Variants in CLDN10 observed in about 807,000 individuals in gnomAD.
CLDN10 encodes the protein claudin-10.
Under a neutral mutation model 22.9 loss-of-function variants are expected in CLDN10, and 15 were observed. The observed-to-expected ratio is 0.65, with a 90% CI of 0.44 to 1.01. CLDN10 has a LOEUF of 1.01. Ranked by LOEUF, CLDN10 falls within the 50% of genes least tolerant of loss-of-function variation. The pLI is 0.00. For missense variants in CLDN10, 247 were observed against 287.8 expected (o/e 0.86, Z 1.03); for synonymous variants, 114 against 111.4 (o/e 1.02, Z -0.15).
intron 1 of CLDN10, among the ~76,000 whole-genome samples, chr13:95,512,595 T>C (rs1390555561): frequency 6.6e-6 from 1 of 152,192 alleles, no homozygotes; most frequent in African/African-American, 2.4e-5. Flanking sequence ...GATGCTGTCC[T>C]GGGAATTTCC....
chr13:95,492,334 T>C (rs1830311619), intron 1 of CLDN10, among the ~76,000 whole-genome samples: 1 of 151,806 alleles, frequency 6.6e-6, no homozygotes. Context: ...TGGGCAGGTC[T>C]TGCTTCAGCT....
chr13:95,521,944 A>G (rs1183273037), intron 1 of CLDN10, among the ~76,000 whole-genome samples: 1 of 151,862 alleles, frequency 6.6e-6, no homozygotes. Flanking sequence ...TTTTATATTT[A>G]TTGACCTTAA....
At chr13:95,555,331 C>T (rs1001306341) in intron 1 of CLDN10, among the ~76,000 whole-genome samples, 18 of 152,158 alleles carry the variant, frequency 1.2e-4, no homozygotes, top group African/African-American at 2.4e-4. Flanking sequence ...TACAGGTGTG[C>T]GCCACCGCGC....
At chr13:95,561,511 T>C (rs942949751) in intron 3 of CLDN10, among the ~76,000 whole-genome samples, 13 of 152,312 alleles carry the variant, frequency 8.5e-5, no homozygotes, top group Middle Eastern at 3.4e-3. Flanking sequence ...TTGTGTTATT[T>C]TATTTTATTC....
chr13:95,492,325 G>A (rs1272281592), intron 1 of CLDN10, among the ~76,000 whole-genome samples: 1 of 151,882 alleles, frequency 6.6e-6, no homozygotes, highest in Non-Finnish European at 1.5e-5. Flanking sequence ...GACTCTCCTT[G>A]GGCAGGTCTT....
At chr13:95,517,464 A>G (rs2043181759) in intron 1 of CLDN10, among the ~76,000 whole-genome samples, 1 of 152,236 alleles carries the variant, frequency 6.6e-6, no homozygotes, top group Non-Finnish European at 1.5e-5. Flanking sequence ...GCTTAGTTCC[A>G]AAGGGAACTA....
chr13:95,454,222 C>T (rs1427369923), intron 1 of CLDN10, among the ~76,000 whole-genome samples: 1 of 151,984 alleles, frequency 6.6e-6, no homozygotes, highest in Admixed American at 6.6e-5. Flanking sequence ...GGTGGATCAC[C>T]TGAGGTCAGG....
chr13:95,549,944 T>C (rs1272742423), upstream of CLDN10, among the ~76,000 whole-genome samples: 1 of 152,264 alleles, frequency 6.6e-6, no homozygotes, highest in East Asian at 1.9e-4. Context: ...CAACAATGAG[T>C]TTAATATTCT....
intron 1 of CLDN10, among the ~76,000 whole-genome samples, chr13:95,501,978 C>A (rs2042990140): frequency 1.3e-5 from 2 of 152,276 alleles, no homozygotes; most frequent in South Asian, 4.1e-4. Context: ...CTAGGGATTA[C>A]AATTTACACC....
rs188981020 is a variant in CLDN10, at chr13:95,483,792, C to G, written c.214+49745C>G. Among the ~76,000 whole-genome samples, 446 of 152,282 alleles carry G rather than the reference C, an allele frequency of 2.9e-3. 9 individuals carry two copies. The Middle Eastern group carries it at 0.031, about 10-fold the overall frequency. On this transcript the variant is annotated intron_variant, in intron 1 of 4. Coordinates refer to the CLDN10 transcript ENST00000376873. The stretch of plus-strand genomic sequence containing the variant: ...ATTGGTCACTCGATATGAGCTTCCC[C>G]AGGCATGAGTGTGCTATGGTCTGAA...
intron 1 of CLDN10, among the ~76,000 whole-genome samples, chr13:95,470,471 G>A (rs2042618841): frequency 6.6e-6 from 1 of 151,986 alleles, no homozygotes; most frequent in Admixed American, 6.6e-5. Context: ...AGCTTGTTTG[G>A]GGAGCGAGTA....
chr13:95,438,017 T>C (rs1413096604), intron 1 of CLDN10, among the ~76,000 whole-genome samples: 2 of 152,228 alleles, frequency 1.3e-5, no homozygotes, highest in Non-Finnish European at 2.9e-5. Context: ...ATTATAATTG[T>C]TATAGTTGCT....
At chr13:95,459,828 G>T (rs901205257) in intron 1 of CLDN10, among the ~76,000 whole-genome samples, 3 of 152,108 alleles carry the variant, frequency 2.0e-5, no homozygotes, top group African/African-American at 7.2e-5. Flanking sequence ...CTTTTATATT[G>T]CATTGTCAGG....
intron 1 of CLDN10, among the ~76,000 whole-genome samples, chr13:95,503,338 A>T (rs1292041183): frequency 6.6e-6 from 1 of 152,242 alleles, no homozygotes; most frequent in Non-Finnish European, 1.5e-5. Flanking sequence ...ATTGAGGGTT[A>T]AAAAGTATTG....
chr13:95,492,723 G>C (rs995838037), intron 1 of CLDN10, among the ~76,000 whole-genome samples: 2 of 152,170 alleles, frequency 1.3e-5, no homozygotes, highest in Non-Finnish European at 2.9e-5. Context: ...AGTTCAGCTA[G>C]AGAATTCCTT....
intron 1 of CLDN10, among the ~76,000 whole-genome samples, chr13:95,475,794 C>CTCTCTCTCTGTCTCTCTCTG (rs71211684): frequency 5.9e-5 from 9 of 151,332 alleles, no homozygotes; most frequent in Admixed American, 2.0e-4. Context: ...GCATCTCTCT[C>CTCTCTCTCTGTCTCTCTCTG]TCTCTCTCTG....
chr13:95,447,717 A>G (rs1478667658), intron 1 of CLDN10, among the ~76,000 whole-genome samples: 5 of 151,032 alleles, frequency 3.3e-5, no homozygotes, highest in Non-Finnish European at 5.9e-5. Context: ...AATTTGGGGG[A>G]AAACGAGAAG....
intron 1 of CLDN10, among the ~76,000 whole-genome samples, chr13:95,450,914 G>T (rs1202374381): frequency 2.6e-5 from 4 of 152,202 alleles, no homozygotes; most frequent in Non-Finnish European, 5.9e-5. Context: ...CTGTTCAGCT[G>T]CGTTGAGAGC....
At chr13:95,571,682 A>G (rs563791550) in intron 3 of CLDN10, among the ~76,000 whole-genome samples, 1 of 152,334 alleles carries the variant, frequency 6.6e-6, no homozygotes, top group South Asian at 2.1e-4. Context: ...TAAAAATAAA[A>G]TCAATTCATG....
Sources: allele counts gnomAD v4.1 joint callset (sites outside exome capture counted in the v4.1 genomes callset), GRCh38; gene constraint gnomAD v4.1.1; transcripts MANE v1.5; gene names NCBI Gene and HGNC (gene_info 2026-07-23, HGNC 2026-07-21).